Variants in SEMA7A observed in about 807,000 individuals in gnomAD.
SEMA7A encodes semaphorin-7A.
Under a neutral mutation model 67.5 loss-of-function variants are expected in SEMA7A, and 21 were observed. The ratio of observed to expected loss-of-function variants is 0.31; its 90% CI spans 0.22 to 0.45. The LOEUF is 0.45. Among genes scored for constraint, SEMA7A ranks in the 20% least tolerant of loss-of-function variants. The pLI, the probability that SEMA7A is intolerant of heterozygous loss-of-function variation, is 1.00. For missense variants in SEMA7A, 774 were observed against 908.6 expected (o/e 0.85, Z 1.90); for synonymous variants, 364 against 368.5 (o/e 0.99, Z 0.14).
Position 74,433,666 on chromosome 15 carries a change from C to T in SEMA7A, c.178+75G>A, listed in dbSNP as rs2061114108. On this transcript the variant is annotated intron_variant, in intron 1 of 13. Coordinates refer to ENST00000261918, the MANE Select transcript of SEMA7A (RefSeq NM_003612.5). ...CAGAGCTGCGCGCACGCACTCCCTC[C>T]GGGTGCAGCACACTCCGCACCCGCC... 15 of 1,336,068 alleles carry T rather than the reference C, an allele frequency of 1.1e-5. No individual in the cohort carries two copies. The South Asian group carries it at 1.9e-4, about 17-fold the overall frequency. 82.8% of individuals were successfully genotyped at this position (1,336,068 alleles called of 1,614,324 possible). A position where few individuals can be genotyped will look rare whatever the true frequency, so the allele number is the denominator to read the frequency against.
intron 10 of SEMA7A, among the ~76,000 whole-genome samples, chr15:74,413,169 T>G (rs2060916683): frequency 6.6e-6 from 1 of 151,734 alleles, no homozygotes; most frequent in Non-Finnish European, 1.5e-5. Flanking sequence ...TTGGGCCTGA[T>G]AAGGCCCCAC....
intron 4 of SEMA7A, 68 bp downstream of exon 4, chr15:74,417,809 C>G: frequency 6.3e-7 from 1 of 1,578,100 alleles, no homozygotes; most frequent in Non-Finnish European, 8.7e-7. Context: ...CTCCTTCCCA[C>G]CATGAGGGGC....
At chr15:74,433,559 T>C in intron 1 of SEMA7A, 182 bp downstream of exon 1, 1 of 1,216,742 alleles carries the variant, frequency 8.2e-7, no homozygotes, top group Non-Finnish European at 1.0e-6. Flanking sequence ...CCGGCTCTGG[T>C]GTGCCAGCGT....
rs2061021375 is a variant in SEMA7A at position 74,423,938 on chromosome 15, T to C, written c.179-4986A>G. Reference sequence around the variant, plus strand: ...TCTCAGGCAGGGTTAGGTTCTAGATTAGCTAGTCGCCTGGCAGGGGCAGAG... The same window carrying C: ...TCTCAGGCAGGGTTAGGTTCTAGATCAGCTAGTCGCCTGGCAGGGGCAGAG... On this transcript the variant is annotated intron_variant, in intron 1 of 13. Coordinates refer to ENST00000261918, the MANE Select transcript of SEMA7A (RefSeq NM_003612.5). The surrounding 1 kb of genome is among the most constrained non-coding windows in gnomAD (Gnocchi z 4.1). 6.6e-6 allele frequency among the ~76,000 whole-genome samples: 1 copy of C among 152,194 alleles called. No individual in the cohort carries two copies. The highest frequency in any genetic ancestry group is 1.5e-5 in the Non-Finnish European group (1 of 68,040).
Position 74,414,447 on chromosome 15 carries a change from C to T in SEMA7A, c.1294+100G>A, listed in dbSNP as rs1002799217. The T allele has an allele frequency of 7.5e-6, 9 of 1,196,474 alleles. No individual in the cohort carries two copies. The African/African-American group carries it at 1.4e-4, about 18-fold the overall frequency. The allele number at this position is 1,196,474 out of a possible 1,614,324, so 74.1% of individuals were successfully genotyped here. ...AACTCCAGTCACTCAATTATTCCTT[C>T]CACATGTAAAGATCCAACCAGATGT... On this transcript the variant is annotated intron_variant, in intron 10 of 13. Coordinates refer to ENST00000261918, the MANE Select transcript of SEMA7A (RefSeq NM_003612.5). The surrounding 1 kb of genome is among the most constrained non-coding windows in gnomAD (Gnocchi z 4.1).
intron 1 of SEMA7A, among the ~76,000 whole-genome samples, chr15:74,425,190 G>A (rs1198353570): frequency 1.3e-5 from 2 of 152,204 alleles, no homozygotes; most frequent in African/African-American, 2.4e-5. Context: ...AGATGATGAC[G>A]ACGATGATGA....
rs895493961 is a variant in SEMA7A at position 74,410,106 on chromosome 15, C to T, written c.*518G>A. ...GGCGGCTGTCCTGTGGGACCCAGGA[C>T]CAGAGAGGGAGCTGCAGAGGACAGG... On this transcript the variant is annotated 3_prime_UTR_variant, in exon 14 of 14. Transcript: ENST00000261918. The surrounding 1 kb of genome is among the most constrained non-coding windows in gnomAD (Gnocchi z 7.5). The T allele has an allele frequency of 1.9e-5, 3 of 154,712 alleles. No homozygotes were observed. The highest frequency in any genetic ancestry group is 7.2e-5 in the African/African-American group (3 of 41,474). The allele number at this position is 154,712 out of a possible 1,614,324, so 9.6% of individuals were successfully genotyped here. A position where few individuals can be genotyped will look rare whatever the true frequency, so the allele number is the denominator to read the frequency against.
Position 74,417,916 on chromosome 15 carries a change from G to A in SEMA7A, c.426C>T (p.Ala142=). Residue 142 remains alanine (A), a synonymous_variant, in exon 4 of 14, where the codon GCC becomes GCT. Coordinates refer to ENST00000261918, the MANE Select transcript of SEMA7A (RefSeq NM_003612.5). ...LLERRSEGLL[A]CGTNARHPSC... is the part of the protein sequence containing the mutation. ...TGGGGTGCCGGGCGTTGGTGCCACA[G>A]GCCAGCAGCCCCTCACTCCGCCTCT... is the stretch of plus-strand genomic sequence containing the variant. 6.2e-7 allele frequency: 1 copy of A among 1,613,362 alleles called. No individual in the cohort carries two copies. The highest frequency in any genetic ancestry group is 1.3e-5 in the African/African-American group (1 of 75,044).
intron 1 of SEMA7A, chr15:74,433,491 C>T: frequency 9.0e-7 from 1 of 1,109,874 alleles, no homozygotes. Context: ...CTGCCAGGGA[C>T]TTGGTGCGAC....
Position 74,411,170 on chromosome 15 carries a change from T to A in SEMA7A, c.1639+125A>T. 7.6e-7 allele frequency: 1 copy of A among 1,312,538 alleles called. No homozygotes were observed. Among genetic ancestry groups the A allele is most frequent in the Non-Finnish European group, 1.0e-6 (1 of 956,306 alleles). The allele number at this position is 1,312,538 out of a possible 1,614,324, so 81.3% of individuals were successfully genotyped here. A position where few individuals can be genotyped will look rare whatever the true frequency, so the allele number is the denominator to read the frequency against. On this transcript the variant is annotated intron_variant, in intron 13 of 13. Transcript: ENST00000261918. This position sits in a 1 kb window ranked among gnomAD's most constrained non-coding sequence, Gnocchi z 4.4. ...ACCAAGAGGGCTCCCTCTGCAGGACTGTATCCTGCCCCATGTACCTGGGGC... is the reference window on the plus strand; with the variant it reads ...ACCAAGAGGGCTCCCTCTGCAGGACAGTATCCTGCCCCATGTACCTGGGGC...
Position 74,411,841 on chromosome 15 carries a change from G to A in SEMA7A, c.1422+44C>T. 6.2e-7 allele frequency: 1 copy of A among 1,610,252 alleles called. No individual in the cohort carries two copies. The highest frequency in any genetic ancestry group is 2.2e-5 in the East Asian group (1 of 44,836). On this transcript the variant is annotated intron_variant, in intron 11 of 13. Coordinates refer to ENST00000261918, the MANE Select transcript of SEMA7A (RefSeq NM_003612.5). The surrounding 1 kb of genome is among the most constrained non-coding windows in gnomAD (Gnocchi z 4.4). ...ATGCAAAGGAGCCCTGTCCTCAGCT[G>A]CAGTCACTGCATAGCCCATGGGACG...
Position 74,411,456 on chromosome 15 carries a change from A to C in SEMA7A, c.1577+100T>G, listed in dbSNP as rs1169877919. ...CAGTTCCAGCAGAGAGGAGGGTCCCACAAGAAAGGCCCAGTACCGCCACCT... is the reference window on the plus strand; with the variant it reads ...CAGTTCCAGCAGAGAGGAGGGTCCCCCAAGAAAGGCCCAGTACCGCCACCT... On this transcript the variant is annotated intron_variant, in intron 12 of 13. Coordinates refer to ENST00000261918, the MANE Select transcript of SEMA7A (RefSeq NM_003612.5). The surrounding 1 kb of genome is among the most constrained non-coding windows in gnomAD (Gnocchi z 4.4). 6.5e-7 allele frequency: 1 copy of C among 1,547,834 alleles called. No homozygotes were observed. The highest frequency in any genetic ancestry group is 1.9e-5 in the Admixed American group (1 of 53,040).
rs142309393 is a variant in SEMA7A, at chr15:74,417,649, G to A, written c.492C>T (p.Gly164=). 1,171 of 1,612,218 alleles carry A rather than the reference G, an allele frequency of 7.3e-4. 3 individuals are homozygous for A. The highest frequency in any genetic ancestry group is 9.1e-4 in the Non-Finnish European group (1,071 of 1,179,826). Residue 164 remains glycine, a synonymous_variant, in exon 5 of 14, where the codon GGC becomes GGT. Coordinates refer to ENST00000261918, the MANE Select transcript of SEMA7A (RefSeq NM_003612.5). ...NLVNGTVVPL[G]EMRGYAPFSP... ...TGAAGGGGGCGTAGCCTCTCATCTC[G>A]CCAAGTGGCACCACAGTGCCATTCA...
rs774780510 is a variant in SEMA7A, at chr15:74,416,665, A to G, written c.711T>C (p.Asp237=). Residue 237 remains aspartate, a synonymous_variant, in exon 7 of 14, where the codon GAT becomes GAC. Coordinates refer to ENST00000261918, the MANE Select transcript of SEMA7A (RefSeq NM_003612.5). ...ATIVHQDQAY[D]DKIYYFFRED... Reference sequence around the variant, plus strand: ...CTCGGAAGAAGTAGTAGATCTTGTCATCGTAAGCCTGGTCTTGGTGCACGA... The same window carrying G: ...CTCGGAAGAAGTAGTAGATCTTGTCGTCGTAAGCCTGGTCTTGGTGCACGA... 1.1e-5 allele frequency: 18 copies of G among 1,613,920 alleles called. No individual in the cohort carries two copies. The highest frequency in any genetic ancestry group is 1.4e-5 in the Non-Finnish European group (17 of 1,179,978).
chr15:74,409,427 C>A lies in SEMA7A; in HGVS notation c.*1197G>T, dbSNP rs2141265799. ...GACACAGCCGGAGAAGGGCCCAGCTCCCCCCTGAAATGGATGGACAGGGCT... is the reference window on the plus strand; with the variant it reads ...GACACAGCCGGAGAAGGGCCCAGCTACCCCCTGAAATGGATGGACAGGGCT... On this transcript the variant is annotated 3_prime_UTR_variant, in exon 14 of 14. Transcript: ENST00000261918. The A allele has an allele frequency of 6.6e-6, 1 of 152,390 alleles. No homozygotes were observed. Among genetic ancestry groups the A allele is most frequent in the Middle Eastern group, 3.4e-3 (1 of 294 alleles). The allele number at this position is 152,390 out of a possible 1,614,324, so 9.4% of individuals were successfully genotyped here. A position where few individuals can be genotyped will look rare whatever the true frequency, so the allele number is the denominator to read the frequency against.
intron 2 of SEMA7A, 87 bp downstream of exon 2, chr15:74,418,714 G>T: frequency 6.8e-7 from 1 of 1,471,756 alleles, no homozygotes; most frequent in Non-Finnish European, 9.2e-7. Flanking sequence ...AGAGAAGCCA[G>T]CTCCCTCGGA....
chr15:74,433,729 G>A lies in SEMA7A; in HGVS notation c.178+12C>T, dbSNP rs1338924581. ...TGATCCCGCGCCTGACCGGCCGCGC[G>A]GCGCCGCCTACCTTTCCAGACGGCG... On this transcript the variant is annotated intron_variant, in intron 1 of 13. Transcript: ENST00000261918. The A allele has an allele frequency of 7.0e-7, 1 of 1,424,628 alleles. No homozygotes were observed. Among genetic ancestry groups the A allele is most frequent in the Non-Finnish European group, 9.1e-7 (1 of 1,096,070 alleles). 88.2% of individuals were successfully genotyped at this position (1,424,628 alleles called of 1,614,324 possible). A position where few individuals can be genotyped will look rare whatever the true frequency, so the allele number is the denominator to read the frequency against.
At chr15:74,428,198 G>C (rs2141290493) in intron 1 of SEMA7A, among the ~76,000 whole-genome samples, 2 of 152,372 alleles carry the variant, frequency 1.3e-5, no homozygotes, top group South Asian at 4.1e-4. Flanking sequence ...ACTCACAGCT[G>C]GTGTGGCTCC....
chr15:74,425,910 G>A (rs1344495326), intron 1 of SEMA7A, among the ~76,000 whole-genome samples: 1 of 152,168 alleles, frequency 6.6e-6, no homozygotes, highest in Non-Finnish European at 1.5e-5. Flanking sequence ...ATAGGCCAGT[G>A]ACCTTGTCTC....
Sources: gnomAD v4.1 joint callset for allele counts (sites outside exome capture counted in the v4.1 genomes callset) on GRCh38, gnomAD v4.1.1 for gene constraint, Gnocchi (gnomAD v3.1) non-coding constraint, MANE v1.5 for transcripts, NCBI Gene and HGNC (gene_info 2026-07-23, HGNC 2026-07-21) for gene names.